Variants in ABCB1 observed in about 807,000 individuals in gnomAD.
ABCB1 encodes the protein ATP-dependent translocase ABCB1.
ABCB1 carries 69 observed loss-of-function variants against 142.0 expected under a neutral mutation model. That is an observed-to-expected ratio of 0.49 (90% CI 0.40 to 0.59). The LOEUF is 0.59. ABCB1 is among the 20% of genes least tolerant of loss of function. The pLI is 0.00. For missense variants in ABCB1, 1,326 were observed against 1,554.7 expected (o/e 0.85, Z 2.47); for synonymous variants, 532 against 539.2 (o/e 0.99, Z 0.18).
chr7:87,637,722 G>T (rs1443564284), intron 1 of ABCB1, among the ~76,000 whole-genome samples: 1 of 151,764 alleles, frequency 6.6e-6, no homozygotes, highest in Non-Finnish European at 1.5e-5. Context: ...GTGGTTGTTG[G>T]TATATCGATA....
At chr7:87,553,609 CG>C (rs1817182954) in intron 9 of ABCB1, 151 bp downstream of exon 9, 1 of 804,098 alleles carries the variant, frequency 1.2e-6, no homozygotes, top group African/African-American at 1.7e-5. Context: ...TGTGAGCCAC[CG>C]TGCCTGGCCT....
At chr7:87,609,538 A>G (rs892464721) in intron 1 of ABCB1, among the ~76,000 whole-genome samples, 3 of 152,170 alleles carry the variant, frequency 2.0e-5, no homozygotes, top group South Asian at 2.1e-4. Flanking sequence ...TGTTCATTCT[A>G]TCATATTGAC....
intron 1 of ABCB1, among the ~76,000 whole-genome samples, chr7:87,684,146 A>G (rs985196353): frequency 1.3e-5 from 2 of 152,224 alleles, no homozygotes; most frequent in Non-Finnish European, 1.5e-5. Context: ...ACTTCCTTAA[A>G]GGGCATCTAC....
Position 87,642,611 on chromosome 7 carries a change from CTTAT to C in ABCB1, c.-330-41537_-330-41534del, listed in dbSNP as rs551567939. Among the ~76,000 whole-genome samples the C allele has an allele frequency of 7.5e-4, 114 of 151,604 alleles. 2 individuals are homozygous for C. Among genetic ancestry groups the C allele is most frequent in the African/African-American group, 1.8e-3 (75 of 41,394 alleles). ...GATGAATCTTTTTGGAAAGTTTTGC[CTTAT>C]TTATTTATTTATTTAACATATATAT... On this transcript the variant is annotated intron_variant, in intron 1 of 28. Transcript: ENST00000265724.
chr7:87,677,969 C>T (rs1472760242), intron 1 of ABCB1, among the ~76,000 whole-genome samples: 3 of 151,950 alleles, frequency 2.0e-5, no homozygotes, highest in African/African-American at 7.3e-5. Flanking sequence ...GAGATGAGGA[C>T]AAAATAAAGA....
intron 25 of ABCB1, among the ~76,000 whole-genome samples, chr7:87,513,838 C>CT (rs1815119312): frequency 6.6e-6 from 1 of 152,188 alleles, no homozygotes; most frequent in Non-Finnish European, 1.5e-5. Flanking sequence ...ATAGCACAAT[C>CT]TTTAACACAC....
chr7:87,543,786 A>T (rs28381924), intron 17 of ABCB1, among the ~76,000 whole-genome samples: 3,922 of 152,296 alleles, frequency 0.026, 67 homozygotes, highest in South Asian at 0.044. Flanking sequence ...ACATTTGAGG[A>T]ACTCTCTTTG....
At chr7:87,683,957 C>G (rs1827191895) in intron 1 of ABCB1, among the ~76,000 whole-genome samples, 1 of 152,152 alleles carries the variant, frequency 6.6e-6, no homozygotes, top group African/African-American at 2.4e-5. Flanking sequence ...TAAATATTGA[C>G]AGATCAAACT....
intron 3 of ABCB1, among the ~76,000 whole-genome samples, chr7:87,585,985 T>G (rs1052582202): frequency 2.0e-5 from 3 of 152,162 alleles, no homozygotes; most frequent in Non-Finnish European, 4.4e-5. Flanking sequence ...TGGTATATAA[T>G]ATGGTATTTG....
chr7:87,527,707 G>A (rs564985712), intron 21 of ABCB1, among the ~76,000 whole-genome samples: 1 of 152,272 alleles, frequency 6.6e-6, no homozygotes, highest in African/African-American at 2.4e-5. Context: ...GCAATTTACT[G>A]GAGAGATGAA....
upstream of ABCB1, chr7:87,603,271 G>GTTAC (rs948384657): frequency 1.5e-4 from 23 of 152,320 alleles, no homozygotes; most frequent in African/African-American, 4.3e-4. Flanking sequence ...CTATGAAGTA[G>GTTAC]TTACTATTTT....
chr7:87,613,327 G>A (rs71562758), intron 1 of ABCB1, among the ~76,000 whole-genome samples: 1 of 112,834 alleles, frequency 8.9e-6, no homozygotes, highest in Non-Finnish European at 1.7e-5. Flanking sequence ...AAATTTAAAA[G>A]AGAACTACCA....
intron 2 of ABCB1, among the ~76,000 whole-genome samples, chr7:87,596,883 G>A (rs1819231551): frequency 6.6e-6 from 1 of 152,042 alleles, no homozygotes; most frequent in Non-Finnish European, 1.5e-5. Flanking sequence ...GAACCAGGAT[G>A]AAAGGAGAAA....
At chr7:87,650,945 C>G in intron 1 of ABCB1, 1 of 1,443,680 alleles carries the variant, frequency 6.9e-7, no homozygotes, top group South Asian at 1.2e-5. Flanking sequence ...AAGGTAAAAG[C>G]ACTAATGTAC....
intron 9 of ABCB1, 110 bp downstream of exon 9, chr7:87,553,651 T>C (rs1817185809): frequency 1.7e-6 from 2 of 1,195,654 alleles, no homozygotes; most frequent in South Asian, 2.6e-5. Flanking sequence ...TGCATATGTC[T>C]GTAGTATTCA....
intron 14 of ABCB1, among the ~76,000 whole-genome samples, chr7:87,548,142 A>G (rs1055435435): frequency 0.015 from 742 of 49,618 alleles, 7 homozygotes; most frequent in African/African-American, 0.021. Flanking sequence ...GAGGGAAGGG[A>G]AGGGGAGGGA....
At chr7:87,622,773 T>C (rs1820270286) in intron 1 of ABCB1, among the ~76,000 whole-genome samples, 1 of 152,166 alleles carries the variant, frequency 6.6e-6, no homozygotes, top group Non-Finnish European at 1.5e-5. Flanking sequence ...GGTGCATGCC[T>C]GTAATCCCCA....
chr7:87,640,372 G>C (rs1161423390), intron 1 of ABCB1, among the ~76,000 whole-genome samples: 4 of 151,670 alleles, frequency 2.6e-5, no homozygotes, highest in African/African-American at 9.7e-5. Context: ...TTTTTTAGAG[G>C]TTGGGTCTTG....
Position 87,509,400 on chromosome 7 carries a change from G to C in ABCB1, c.3364C>G (p.Leu1122Val), listed in dbSNP as rs779984514. 1 of 1,614,180 alleles carries C rather than the reference G, an allele frequency of 6.2e-7. No homozygotes were observed. The highest frequency in any genetic ancestry group is 8.5e-7 in the Non-Finnish European group (1 of 1,180,026). The change falls in exon 26 of 28, where the codon CTG (leucine) becomes GTG (valine). Residue 1122 changes from leucine to valine, a missense_variant. Transcript: ENST00000622132. ...HLGIVSQEPI[L>V]FDCSIAENIA... is the part of the protein sequence containing the mutation. ...TTCTCAGCAATGCTGCAGTCAAACA[G>C]GATGGGCTCCTGGGACACGATGCCC... is the stretch of plus-strand genomic sequence containing the variant.
Sources: allele counts gnomAD v4.1 joint callset (sites outside exome capture counted in the v4.1 genomes callset), GRCh38; gene constraint gnomAD v4.1.1; transcripts MANE v1.5; gene names NCBI Gene and HGNC (gene_info 2026-07-23, HGNC 2026-07-21).